The following RIMS2 variants were observed in gnomAD, a reference collection of about 807,000 sequenced individuals.
RIMS2 encodes the protein regulating synaptic membrane exocytosis protein 2.
In RIMS2, 59 loss-of-function variants were observed where a neutral mutation model predicts 174.4. The observed-to-expected ratio is 0.34, with a 90% CI of 0.27 to 0.42. The LOEUF (loss-of-function observed/expected upper bound fraction) is 0.42. Among genes scored for constraint, RIMS2 ranks in the 10% least tolerant of loss-of-function variants. RIMS2 has a pLI of 1.00. For synonymous variants in RIMS2, 606 were observed against 572.5 expected (o/e 1.06, Z -0.84); for missense variants, 1,620 against 1,666.3 (o/e 0.97, Z 0.48).
rs115967255 is a variant in RIMS2, at chr8:104,248,502, C to T, written c.3477-199C>T. 7.6e-3 allele frequency among the ~76,000 whole-genome samples: 1,157 copies of T among 152,272 alleles called. 11 individuals are homozygous for T. The highest frequency in any genetic ancestry group is 0.024 in the African/African-American group (1,017 of 41,552). On this transcript the variant is annotated intron_variant, in intron 20 of 23. Transcript: ENST00000504942. ...AGCCTGCAGTGCAGTGTGACAGGTG[C>T]TTCTGGTGTCATACTTGGGCTGCTG...
At chr8:103,647,391 T>G (rs529676758) in intron 1 of RIMS2, among the ~76,000 whole-genome samples, 6 of 152,226 alleles carry the variant, frequency 3.9e-5, no homozygotes, top group Middle Eastern at 3.4e-3. Flanking sequence ...GTTTTTTGTG[T>G]TGTTGTATCT....
downstream of RIMS2, chr8:104,255,163 A>G (rs901107849): frequency 6.6e-6 from 1 of 152,142 alleles, no homozygotes; most frequent in Non-Finnish European, 1.5e-5. Flanking sequence ...ACTCAACTCG[A>G]GTCCAATTCC....
chr8:103,537,057 TGAA>T (rs1352622138), intron 1 of RIMS2, among the ~76,000 whole-genome samples: 1 of 152,258 alleles, frequency 6.6e-6, no homozygotes, highest in East Asian at 1.9e-4. Context: ...GATACATAGA[TGAA>T]GAAGACATGG....
At chr8:103,944,170 G>A (rs1206176941) in intron 14 of RIMS2, among the ~76,000 whole-genome samples, 1 of 151,970 alleles carries the variant, frequency 6.6e-6, no homozygotes, top group Non-Finnish European at 1.5e-5. Context: ...TATTAATTGA[G>A]CACTAATTCT....
At chr8:104,105,580 A>AT (rs1209861041) in intron 19 of RIMS2, among the ~76,000 whole-genome samples, 7 of 151,916 alleles carry the variant, frequency 4.6e-5, no homozygotes, top group African/African-American at 1.7e-4. Context: ...TAAAAAAAAA[A>AT]GTTTTAGGAC....
chr8:103,899,227 G>GTA (rs1270649182), intron 4 of RIMS2, among the ~76,000 whole-genome samples: 1 of 151,658 alleles, frequency 6.6e-6, no homozygotes, highest in Non-Finnish European at 1.5e-5. Flanking sequence ...AGTCCTTTGG[G>GTA]TATATACCCA....
In RIMS2 at chr8:103,724,928, T is replaced by G. The variant is rs531459881; in HGVS notation, c.387+27632T>G. ...TAGCTTGTAGCCATGGTCAGTGGCA[T>G]ACTGAGGGACTGTTGTTGGGAGTGG... On this transcript the variant is annotated intron_variant, in intron 2 of 23. Coordinates refer to ENST00000504942, the Ensembl canonical transcript of RIMS2. 3.9e-5 allele frequency among the ~76,000 whole-genome samples: 6 copies of G among 152,318 alleles called. No homozygotes were observed. The East Asian group carries it at 1.2e-3, about 29-fold the overall frequency.
At chr8:103,741,032 C>T (rs2097756921) in intron 2 of RIMS2, among the ~76,000 whole-genome samples, 1 of 151,694 alleles carries the variant, frequency 6.6e-6, no homozygotes, top group Non-Finnish European at 1.5e-5. Flanking sequence ...ATTTCAGTGA[C>T]CATAAGTCTT....
At chr8:104,095,470 G>GA (rs573708178) in intron 19 of RIMS2, among the ~76,000 whole-genome samples, 42 of 152,142 alleles carry the variant, frequency 2.8e-4, no homozygotes, top group Admixed American at 2.4e-3. Context: ...GAAGGGCAGG[G>GA]AAAAAATACA....
chr8:103,855,511 CTT>C (rs1564933675), intron 3 of RIMS2, among the ~76,000 whole-genome samples: 2 of 152,080 alleles, frequency 1.3e-5, no homozygotes, highest in South Asian at 2.1e-4. Context: ...TAACTTTCCT[CTT>C]AACACTACTT....
At chr8:103,561,391 A>T (rs1169413538) in intron 1 of RIMS2, among the ~76,000 whole-genome samples, 1 of 152,204 alleles carries the variant, frequency 6.6e-6, no homozygotes, top group Non-Finnish European at 1.5e-5. Flanking sequence ...TCAGTTAGAA[A>T]TAGCTACTTT....
intron 3 of RIMS2, among the ~76,000 whole-genome samples, chr8:103,773,186 C>T (rs2098272532): frequency 6.6e-6 from 1 of 151,406 alleles, no homozygotes; most frequent in Non-Finnish European, 1.5e-5. Flanking sequence ...AAAATAAAAA[C>T]TTTATTCATT....
intron 3 of RIMS2, among the ~76,000 whole-genome samples, chr8:103,785,432 G>C (rs1564622579): frequency 1.3e-5 from 2 of 151,930 alleles, no homozygotes. Context: ...TTCTTATTTT[G>C]AGATACATCC....
intron 16 of RIMS2, among the ~76,000 whole-genome samples, chr8:103,980,992 C>T (rs1312070631): frequency 1.3e-5 from 2 of 152,162 alleles, no homozygotes; most frequent in Non-Finnish European, 2.9e-5. Context: ...TGATCAGGGC[C>T]TAGGGGAACT....
intron 1 of RIMS2, among the ~76,000 whole-genome samples, chr8:103,610,522 T>C (rs2095331029): frequency 6.6e-6 from 1 of 152,216 alleles, no homozygotes; most frequent in Admixed American, 6.5e-5. Context: ...CCTACTTTAT[T>C]GCAGGTTTTT....
intron 3 of RIMS2, among the ~76,000 whole-genome samples, chr8:103,868,177 T>C (rs1025115154): frequency 2.0e-5 from 3 of 152,080 alleles, no homozygotes; most frequent in African/African-American, 7.2e-5. Flanking sequence ...TGGATACGTA[T>C]ACATAAATTG....
intron 3 of RIMS2, among the ~76,000 whole-genome samples, chr8:103,792,961 G>T (rs1443189017): frequency 6.6e-6 from 1 of 152,072 alleles, no homozygotes; most frequent in Non-Finnish European, 1.5e-5. Flanking sequence ...ACCAAAAAAA[G>T]TCCAGGACCA....
At chr8:103,579,524 A>T (rs541232596) in intron 1 of RIMS2, among the ~76,000 whole-genome samples, 1 of 152,276 alleles carries the variant, frequency 6.6e-6, no homozygotes, top group East Asian at 1.9e-4. Flanking sequence ...GAGAAAGTCT[A>T]TGTATTTTGA....
chr8:104,220,227 C>G (rs1341201904), intron 19 of RIMS2, among the ~76,000 whole-genome samples: 1 of 152,148 alleles, frequency 6.6e-6, no homozygotes, highest in Admixed American at 6.6e-5. Flanking sequence ...ATTCTTTCTA[C>G]TCTACCTTGT....
Sources: gnomAD v4.1 joint callset for allele counts (sites outside exome capture counted in the v4.1 genomes callset) on GRCh38, gnomAD v4.1.1 for gene constraint, MANE v1.5 for transcripts, NCBI Gene and HGNC (gene_info 2026-07-23, HGNC 2026-07-21) for gene names.